The following UNK variants were observed in gnomAD, a reference collection of about 807,000 sequenced individuals.
UNK encodes the protein unk zinc finger.
Under a neutral mutation model 97.6 loss-of-function variants are expected in UNK, and 32 were observed. That is an observed-to-expected ratio of 0.33 (90% CI 0.25 to 0.44). The LOEUF is 0.44. Ranked by LOEUF, UNK falls within the 20% of genes least tolerant of loss-of-function variation. The pLI is 1.00. For missense variants in UNK, 771 were observed against 1,098.4 expected (o/e 0.70, Z 4.21); for synonymous variants, 441 against 461.2 (o/e 0.96, Z 0.56).
chr17:75,801,287 G>A (rs976825058), intron 1 of UNK, among the ~76,000 whole-genome samples: 21 of 152,074 alleles, frequency 1.4e-4, no homozygotes, highest in African/African-American at 5.1e-4. Context: ...TGCACTTCAA[G>A]TATTTTACTT....
At chr17:75,814,241 C>A (rs2061996850) in intron 6 of UNK, among the ~76,000 whole-genome samples, 2 of 151,836 alleles carry the variant, frequency 1.3e-5, no homozygotes, top group African/African-American at 4.8e-5. Flanking sequence ...GTGGCTTATG[C>A]CTATAATTCC....
intron 1 of UNK, among the ~76,000 whole-genome samples, chr17:75,790,858 G>A (rs534385696): frequency 6.6e-6 from 1 of 151,692 alleles, no homozygotes; most frequent in African/African-American, 2.4e-5. Flanking sequence ...TTGAACCCAG[G>A]AGGCGGAGGT....
intron 1 of UNK, among the ~76,000 whole-genome samples, chr17:75,786,678 A>G (rs2061714539): frequency 6.6e-6 from 1 of 152,176 alleles, no homozygotes; most frequent in Admixed American, 6.5e-5. Context: ...CAATATGGCA[A>G]AACCCCGTCT....
chr17:75,817,525 A>G lies in UNK; in HGVS notation c.1304A>G (p.Gln435Arg). 1.2e-6 allele frequency: 2 copies of G among 1,605,222 alleles called. No individual in the cohort carries two copies. The highest frequency in any genetic ancestry group is 1.7e-6 in the Non-Finnish European group (2 of 1,174,758). The change falls in exon 9 of 16, where the codon CAG (glutamine) becomes CGG (arginine). Residue 435 changes from glutamine to arginine, a missense_variant and splice_region_variant. By Grantham distance (43) the Gln-to-Arg change is conservative (BLOSUM62 1). This residue lies in a region of UNK where 192 missense variants were observed against 202.4 expected (regional missense o/e 0.95). Transcript: ENST00000589666. This position sits in a 1 kb window ranked among gnomAD's most constrained non-coding sequence, Gnocchi z 5.8. ...GAGTACCTGAAAAATTTCAAATGCC[A>G]GGTAAGGGATGAGGGAGGCAGCAGT... ...GAEYLKNFKC[Q>R]AKLKPHSLEP... is the part of the protein sequence containing the mutation.
Position 75,819,593 on chromosome 17 carries a change from T to C in UNK, c.1547-91T>C. 8.3e-7 allele frequency: 1 copy of C among 1,204,464 alleles called. No homozygotes were observed. The highest frequency in any genetic ancestry group is 1.2e-6 in the Non-Finnish European group (1 of 816,086). The allele number at this position is 1,204,464 out of a possible 1,614,324, so 74.6% of individuals were successfully genotyped here. A position where few individuals can be genotyped will look rare whatever the true frequency, so the allele number is the denominator to read the frequency against. On this transcript the variant is annotated intron_variant, in intron 11 of 15. Coordinates refer to ENST00000589666, the MANE Select transcript of UNK (RefSeq NM_001080419.3). The surrounding 1 kb of genome is among the most constrained non-coding windows in gnomAD (Gnocchi z 5.4). ...GGGAGAATACGGACCCAGCGTAGCA[T>C]GGGCGTGAAGATGCAGCGTGGGCAG...
chr17:75,823,998 T>C (rs1404503657), intron 15 of UNK, among the ~76,000 whole-genome samples: 1 of 152,184 alleles, frequency 6.6e-6, no homozygotes, highest in Non-Finnish European at 1.5e-5. Context: ...CTGGGCCTCA[T>C]TTTCCCCATC....
chr17:75,787,416 G>A (rs1204501043), intron 1 of UNK, among the ~76,000 whole-genome samples: 1 of 151,632 alleles, frequency 6.6e-6, no homozygotes, highest in Non-Finnish European at 1.5e-5. Context: ...ATGTTGCCCA[G>A]CCTAGTCTCG....
In UNK at chr17:75,813,186, G is replaced by A; in HGVS notation, c.731G>A (p.Arg244Gln). 1.9e-6 allele frequency: 3 copies of A among 1,590,600 alleles called. No individual in the cohort carries two copies. Among genetic ancestry groups the A allele is most frequent in the Non-Finnish European group, 2.6e-6 (3 of 1,169,178 alleles). ...CPYYHNSKDR[R>Q]RSPRKHKYRS... ...TACTACCACAACAGCAAGGACCGGC[G>A]GCGGAGCCCCCGGAAGCACAAATAC... The change falls in exon 5 of 16, where the codon CGG (arginine) becomes CAG (glutamine). Residue 244 changes from arginine to glutamine, a missense_variant. Arg to Gln is a conservative substitution (Grantham distance 43, BLOSUM62 1). Around this residue, in one of 5 missense-constraint regions of UNK, gnomAD observed 246 missense variants for 440.7 expected, o/e 0.56. Coordinates refer to ENST00000589666, the MANE Select transcript of UNK (RefSeq NM_001080419.3).
chr17:75,820,198 A>G (rs1407302405), intron 13 of UNK, 90 bp downstream of exon 13: 1 of 1,390,022 alleles, frequency 7.2e-7, no homozygotes, highest in African/African-American at 1.4e-5. Context: ...ACGGCATATC[A>G]GCTAGGCTGG....
chr17:75,815,402 C>A, intron 7 of UNK, 149 bp downstream of exon 7: 1 of 672,924 alleles, frequency 1.5e-6, no homozygotes, highest in Non-Finnish European at 2.4e-6. Flanking sequence ...CCACTGGAAG[C>A]TCCATTCCCC....
chr17:75,822,301 C>T (rs1325770632), intron 13 of UNK, among the ~76,000 whole-genome samples, 176 bp from the exon 14 acceptor site: 2 of 152,244 alleles, frequency 1.3e-5, no homozygotes, highest in Non-Finnish European at 2.9e-5. Flanking sequence ...ACTCCGCCCA[C>T]GCCACCTGCA....
At chr17:75,806,471 A>T (rs2061918173) in intron 1 of UNK, among the ~76,000 whole-genome samples, 1 of 146,020 alleles carries the variant, frequency 6.8e-6, no homozygotes, top group Non-Finnish European at 1.5e-5. Context: ...TCAAAAAAAA[A>T]AAAGCAAGAG....
intron 2 of UNK, 21 bp from the exon 3 acceptor site, chr17:75,812,091 A>AC (rs2061974775): frequency 6.4e-7 from 1 of 1,563,228 alleles, no homozygotes; most frequent in African/African-American, 1.4e-5. Flanking sequence ...AAGTTGAGTG[A>AC]CCCCCACTAC....
chr17:75,788,379 T>C (rs2061732663), intron 1 of UNK, among the ~76,000 whole-genome samples: 1 of 152,142 alleles, frequency 6.6e-6, no homozygotes, highest in Non-Finnish European at 1.5e-5. Flanking sequence ...AGGGTTTCAC[T>C]GTGTTGGCCA....
chr17:75,817,613 G>A lies in UNK; in HGVS notation c.1305+87G>A. On this transcript the variant is annotated intron_variant, in intron 9 of 15. Coordinates refer to ENST00000589666, the MANE Select transcript of UNK (RefSeq NM_001080419.3). This position sits in a 1 kb window ranked among gnomAD's most constrained non-coding sequence, Gnocchi z 5.8. ...GGAGGAGTGTCTTGGTCCAGCTACG[G>A]GGAGGATGACTGGGAGCTAGGACTC... The A allele has an allele frequency of 1.4e-6, 2 of 1,393,500 alleles. No individual in the cohort carries two copies. The highest frequency in any genetic ancestry group is 1.4e-5 in the South Asian group (1 of 71,110). The allele number at this position is 1,393,500 out of a possible 1,614,324, so 86.3% of individuals were successfully genotyped here.
At chr17:75,785,152 A>G (rs2061696400) in intron 1 of UNK, 168 bp downstream of exon 1, 1 of 489,452 alleles carries the variant, frequency 2.0e-6, no homozygotes, top group East Asian at 4.0e-5. Context: ...ACTGCCTCCA[A>G]CTGCCACCAA....
intron 3 of UNK, 29 bp downstream of exon 3, chr17:75,812,317 G>A (rs747668332): frequency 1.3e-6 from 2 of 1,596,442 alleles, no homozygotes; most frequent in South Asian, 2.2e-5. Context: ...TGGGCTGATG[G>A]CAGTAGGCTG....
At chr17:75,803,958 A>G (rs1244885790) in intron 1 of UNK, among the ~76,000 whole-genome samples, 1 of 152,214 alleles carries the variant, frequency 6.6e-6, no homozygotes, top group Non-Finnish European at 1.5e-5. Flanking sequence ...GCTTATGCAA[A>G]CCCTATGCTT....
intron 1 of UNK, among the ~76,000 whole-genome samples, chr17:75,788,603 C>T (rs531293264): frequency 7.2e-5 from 11 of 152,144 alleles, no homozygotes; most frequent in East Asian, 5.8e-4. Context: ...CTGCCCGCCT[C>T]GGCCTCCCAA....
Sources: gnomAD v4.1 joint callset for allele counts (sites outside exome capture counted in the v4.1 genomes callset) on GRCh38, gnomAD v4.1.1 for gene constraint, gnomAD v4.1.1 regional missense constraint, Gnocchi (gnomAD v3.1) non-coding constraint, MANE v1.5 for transcripts, NCBI Gene and HGNC (gene_info 2026-07-23, HGNC 2026-07-21) for gene names.